The following SP100 variants were observed in gnomAD, a reference collection of about 807,000 sequenced individuals.
The protein encoded by SP100 is nuclear autoantigen Sp-100.
SP100 carries 84 observed loss-of-function variants against 130.0 expected under a neutral mutation model. The ratio of observed to expected loss-of-function variants is 0.65; its 90% CI spans 0.54 to 0.77. SP100 has a LOEUF of 0.77. Among genes scored for constraint, SP100 ranks in the 30% least tolerant of loss-of-function variants. The pLI, the probability that SP100 is intolerant of heterozygous loss-of-function variation, is 0.00. For synonymous variants in SP100, 331 were observed against 351.7 expected (o/e 0.94, Z 0.66); for missense variants, 978 against 1,052.2 (o/e 0.93, Z 0.97).
At chr2:230,491,823 TC>T (rs765721570) in intron 17 of SP100, among the ~76,000 whole-genome samples, 4 of 152,194 alleles carry the variant, frequency 2.6e-5, no homozygotes, top group Non-Finnish European at 2.9e-5. Context: ...TCCTTACAGT[TC>T]GCTCTGACCA....
chr2:230,435,180 C>T (rs1205818831), intron 2 of SP100, among the ~76,000 whole-genome samples: 1 of 152,188 alleles, frequency 6.6e-6, no homozygotes, highest in Non-Finnish European at 1.5e-5. Context: ...CATAGTGTCA[C>T]TAATGAAATT....
intron 2 of SP100, chr2:230,440,514 G>T: frequency 7.6e-7 from 1 of 1,312,848 alleles, no homozygotes; most frequent in South Asian, 2.7e-5. Context: ...AGATGTACAT[G>T]ACTTCTAAAA....
At position 230,539,369 on chromosome 2, in the gene SP100, G is replaced by A. The variant is rs368603344; in HGVS notation, c.2197G>A (p.Val733Met). ...TCATGAGCACTGCCACATCCCATCC[G>A]TGGAAGCTAACAAGTGAGTAAGACA... ...SFHEHCHIPS[V>M]EANKNPWSCI... Residue 733 changes from valine (V) to methionine (M), a missense_variant, in exon 25 of 29, where the codon GTG (valine) becomes ATG (methionine). Physicochemically the swap from Val to Met is conservative, Grantham distance 21. Coordinates refer to ENST00000340126, the MANE Select transcript of SP100 (RefSeq NM_001080391.2). 2.0e-5 allele frequency: 32 copies of A among 1,612,798 alleles called. No homozygotes were observed. Among genetic ancestry groups the A allele is most frequent in the Admixed American group, 5.0e-5 (3 of 59,984 alleles).
intron 8 of SP100, among the ~76,000 whole-genome samples, chr2:230,458,648 C>T (rs2064415408): frequency 6.6e-6 from 1 of 152,082 alleles, no homozygotes; most frequent in Non-Finnish European, 1.5e-5. Context: ...TGCTGCTTGT[C>T]AGATTTGCAA....
At chr2:230,495,825 A>G (rs2066640078) in intron 18 of SP100, among the ~76,000 whole-genome samples, 1 of 152,238 alleles carries the variant, frequency 6.6e-6, no homozygotes, top group African/African-American at 2.4e-5. Flanking sequence ...ACTTCTGGCA[A>G]GTTGATATGG....
chr2:230,507,833 A>G (rs887096564), intron 22 of SP100, among the ~76,000 whole-genome samples, 160 bp from the exon 23 acceptor site: 1 of 152,188 alleles, frequency 6.6e-6, no homozygotes. Flanking sequence ...GCTTCCTTGA[A>G]TCCCTGGAGA....
intron 8 of SP100, among the ~76,000 whole-genome samples, chr2:230,454,983 C>T (rs1430020732): frequency 1.3e-5 from 2 of 152,142 alleles, no homozygotes; most frequent in Non-Finnish European, 2.9e-5. Context: ...CATATGTTTA[C>T]AATTGTTATA....
chr2:230,511,213 CT>C (rs749224994), intron 24 of SP100, 47 bp downstream of exon 24: 1 of 1,265,488 alleles, frequency 7.9e-7, no homozygotes, highest in African/African-American at 1.5e-5. Flanking sequence ...TCAGGCCTTT[CT>C]CCAGGCACAC....
chr2:230,542,862 T>A lies in SP100; in HGVS notation c.2574T>A (p.Ile858=). ...AAGATAAATTCACCAGACTGGGAATTCAAGTACAGGACATCTTTGAGAAGA... is the reference window on the plus strand; with the variant it reads ...AAGATAAATTCACCAGACTGGGAATACAAGTACAGGACATCTTTGAGAAGA... The part of the protein sequence containing the change: ...YREDKFTRLG[I]QVQDIFEKNF... The change falls in exon 29 of 29, where the codon ATT becomes ATA. Residue 858 remains isoleucine, a synonymous_variant. Transcript: ENST00000340126. The A allele has an allele frequency of 7.4e-6, 12 of 1,611,664 alleles. No homozygotes were observed. Among genetic ancestry groups the A allele is most frequent in the Non-Finnish European group, 1.0e-5 (12 of 1,177,948 alleles).
intron 10 of SP100, 114 bp downstream of exon 10, chr2:230,462,632 G>C (rs564911266): frequency 1.8e-5 from 14 of 786,376 alleles, no homozygotes; most frequent in Non-Finnish European, 3.1e-5. Flanking sequence ...AGTTTATCCT[G>C]GGATCCCATT....
At chr2:230,537,993 T>C (rs920713402) in intron 24 of SP100, 2 of 152,368 alleles carry the variant, frequency 1.3e-5, no homozygotes, top group Non-Finnish European at 2.9e-5. Flanking sequence ...GTGCTGCTGC[T>C]GCTGGTCCAG....
intron 18 of SP100, among the ~76,000 whole-genome samples, chr2:230,496,914 T>C (rs1360412178): frequency 6.6e-6 from 1 of 152,198 alleles, no homozygotes; most frequent in Non-Finnish European, 1.5e-5. Flanking sequence ...CTCAACATTC[T>C]AGGATTGAGT....
chr2:230,470,092 G>A lies in SP100; in HGVS notation c.1423G>A (p.Gly475Arg), dbSNP rs1221616471. The change falls in exon 15 of 29, where the codon GGG becomes AGG. Residue 475 changes from glycine (G) to arginine (R), a missense_variant. Coordinates refer to ENST00000340126, the MANE Select transcript of SP100 (RefSeq NM_001080391.2). ...QETCSSSLRR[G>R]SGSQPQEPEN... is the part of the protein sequence containing the mutation. ...AACCTGCAGCTCATCCCTAAGAAGA[G>A]GGTCAGGTAAAGAAGATTAGGATGC... The A allele has an allele frequency of 6.8e-6, 11 of 1,606,978 alleles. No homozygotes were observed. The highest frequency in any genetic ancestry group is 8.5e-6 in the Non-Finnish European group (10 of 1,176,360).
chr2:230,471,107 T>C (rs1247519894), intron 15 of SP100, among the ~76,000 whole-genome samples: 2 of 151,168 alleles, frequency 1.3e-5, no homozygotes, highest in Non-Finnish European at 3.0e-5. Context: ...AGAAGCAAAA[T>C]AGATAAACAT....
At chr2:230,435,826 C>T (rs2063246631) in intron 2 of SP100, among the ~76,000 whole-genome samples, 1 of 152,014 alleles carries the variant, frequency 6.6e-6, no homozygotes, top group African/African-American at 2.4e-5. Flanking sequence ...CAGCACTATT[C>T]ACAATAGCAA....
chr2:230,527,968 A>C (rs1462990450), intron 24 of SP100, among the ~76,000 whole-genome samples: 2 of 152,204 alleles, frequency 1.3e-5, no homozygotes, highest in Non-Finnish European at 2.9e-5. Context: ...AGACTCCCAC[A>C]CAATAAAAAT....
chr2:230,487,309 A>G (rs1458918865), intron 17 of SP100, among the ~76,000 whole-genome samples: 1 of 152,168 alleles, frequency 6.6e-6, no homozygotes, highest in African/African-American at 2.4e-5. Context: ...TTTGGGTTAT[A>G]CATTTTAAGT....
intron 19 of SP100, among the ~76,000 whole-genome samples, chr2:230,499,030 A>C (rs1270189915): frequency 6.6e-6 from 1 of 152,086 alleles, no homozygotes; most frequent in Non-Finnish European, 1.5e-5. Flanking sequence ...CATTCCGTGG[A>C]TCTCCTACAG....
intron 2 of SP100, among the ~76,000 whole-genome samples, chr2:230,436,984 A>G (rs560522347): frequency 1.8e-3 from 270 of 149,006 alleles, no homozygotes; most frequent in Non-Finnish European, 3.2e-3. Context: ...GTATACACAC[A>G]CATATATATG....
Sources: allele counts gnomAD v4.1 joint callset (sites outside exome capture counted in the v4.1 genomes callset), GRCh38; gene constraint gnomAD v4.1.1; transcripts MANE v1.5; gene names NCBI Gene and HGNC (gene_info 2026-07-23, HGNC 2026-07-21).